Variants in PALLD observed in about 807,000 individuals in gnomAD.
PALLD encodes the protein palladin, cytoskeletal associated protein.
Under a neutral mutation model 123.5 loss-of-function variants are expected in PALLD, and 61 were observed. The ratio of observed to expected loss-of-function variants is 0.49; its 90% CI spans 0.40 to 0.61. The LOEUF (loss-of-function observed/expected upper bound fraction) is 0.61, where lower values mean the gene tolerates loss of function less well. Among genes scored for constraint, PALLD ranks in the 20% least tolerant of loss-of-function variants. The pLI is 0.00. For missense variants in PALLD, 1,273 were observed against 1,377.0 expected (o/e 0.92, Z 1.20); for synonymous variants, 465 against 496.4 (o/e 0.94, Z 0.84).
intron 2 of PALLD, among the ~76,000 whole-genome samples, chr4:168,542,835 G>A (rs947591528): frequency 6.8e-6 from 1 of 147,796 alleles, no homozygotes; most frequent in South Asian, 2.1e-4. Flanking sequence ...CCTTAAAAAG[G>A]TTTGGGCCTA....
rs1202242941 is a variant in PALLD, at chr4:168,924,335, G to A, written c.3139G>A (p.Glu1047Lys). 6.2e-7 allele frequency: 1 copy of A among 1,613,944 alleles called. No homozygotes were observed. The highest frequency in any genetic ancestry group is 8.5e-7 in the Non-Finnish European group (1 of 1,179,882). The change falls in exon 19 of 22, where the codon GAA (glutamate) becomes AAA (lysine). Residue 1047 changes from glutamate (E) to lysine (K), a missense_variant. Around this residue, in one of 2 missense-constraint regions of PALLD, gnomAD observed 329 missense variants for 422.5 expected, o/e 0.78. Coordinates refer to ENST00000505667, the MANE Select transcript of PALLD (RefSeq NM_001166108.2). The stretch of plus-strand genomic sequence containing the variant: ...TGCTGATGGGTACCCAGTGCGGCTG[G>A]AATGTCGTGTATTGGGAGTGCCACC... ...GVADGYPVRL[E>K]CRVLGVPPPQ...
chr4:168,894,326 G>T (rs955223553), intron 11 of PALLD: 3 of 500,380 alleles, frequency 6.0e-6, no homozygotes, highest in Admixed American at 3.3e-5. Context: ...TTTCTTCCTT[G>T]TCGCTTATTG....
intron 1 of PALLD, among the ~76,000 whole-genome samples, chr4:168,508,666 C>A (rs6552862): frequency 6.6e-6 from 1 of 152,036 alleles, no homozygotes; most frequent in Non-Finnish European, 1.5e-5. Context: ...AAATAAATAA[C>A]AAATAAAAAA....
At chr4:168,852,939 A>C (rs896166659) in intron 10 of PALLD, among the ~76,000 whole-genome samples, 2 of 152,176 alleles carry the variant, frequency 1.3e-5, no homozygotes, top group African/African-American at 4.8e-5. Context: ...TCCCTGCCTC[A>C]GTTGTTTTTG....
At chr4:168,710,714 C>T (rs1160102634) in intron 9 of PALLD, among the ~76,000 whole-genome samples, 1 of 152,058 alleles carries the variant, frequency 6.6e-6, no homozygotes, top group Non-Finnish European at 1.5e-5. Context: ...CAAAGAGGAC[C>T]CCAGCGTTTT....
intron 10 of PALLD, among the ~76,000 whole-genome samples, chr4:168,828,054 C>A (rs1356097967): frequency 2.0e-5 from 3 of 152,152 alleles, no homozygotes; most frequent in Non-Finnish European, 4.4e-5. Context: ...ACAACAACAA[C>A]AAACATCAAA....
chr4:168,802,447 C>T (rs1739482884), intron 10 of PALLD, among the ~76,000 whole-genome samples: 1 of 152,160 alleles, frequency 6.6e-6, no homozygotes, highest in Admixed American at 6.5e-5. Context: ...AACTGGAGGT[C>T]ATAATCCTAA....
intron 10 of PALLD, among the ~76,000 whole-genome samples, chr4:168,794,518 A>G (rs892236631): frequency 4.1e-5 from 6 of 148,022 alleles, no homozygotes; most frequent in South Asian, 2.1e-4. Flanking sequence ...ACACACACAC[A>G]CACACACACA....
rs142241643 is a variant in PALLD, at chr4:168,511,835, A to G, written c.331A>G (p.Lys111Glu). 33 of 1,614,128 alleles carry G rather than the reference A, an allele frequency of 2.0e-5. No individual in the cohort carries two copies. In the African/African-American group the frequency reaches 4.3e-4, roughly 21 times the overall value. Residue 111 changes from lysine (K) to glutamate (E), a missense_variant, in exon 2 of 22, where the codon AAG (lysine) becomes GAG (glutamate). Around this residue, in one of 2 missense-constraint regions of PALLD, gnomAD observed 944 missense variants for 954.5 expected, o/e 0.99. Transcript: ENST00000505667. ...PVQPLAEKQT[K>E]SISSPVSKRK... ...CCAGCCTCTGGCAGAGAAACAAACT[A>G]AGAGTATCTCTTCACCTGTTTCAAA...
chr4:168,738,989 A>C (rs1378064259), intron 10 of PALLD, among the ~76,000 whole-genome samples: 1 of 152,112 alleles, frequency 6.6e-6, no homozygotes, highest in Non-Finnish European at 1.5e-5. Context: ...TGGAATCAAC[A>C]TTTTTAGTTC....
chr4:168,499,570 A>G (rs1761177191), intron 1 of PALLD, among the ~76,000 whole-genome samples: 1 of 152,130 alleles, frequency 6.6e-6, no homozygotes, highest in African/African-American at 2.4e-5. Context: ...GCTAAACCTA[A>G]AATTAAAAAT....
intron 10 of PALLD, among the ~76,000 whole-genome samples, chr4:168,826,281 T>C (rs1743407818): frequency 6.6e-6 from 1 of 152,164 alleles, no homozygotes; most frequent in Admixed American, 6.5e-5. Flanking sequence ...CTATGCGCAA[T>C]AAAACTTGGC....
intron 2 of PALLD, among the ~76,000 whole-genome samples, chr4:168,547,815 G>T (rs1766304628): frequency 6.6e-6 from 1 of 151,830 alleles, no homozygotes. Context: ...GCGTGGTGGC[G>T]TGCGCCTGTA....
intron 8 of PALLD, among the ~76,000 whole-genome samples, chr4:168,704,529 G>A (rs914406015): frequency 7.9e-5 from 12 of 151,826 alleles, no homozygotes; most frequent in East Asian, 3.9e-4. Flanking sequence ...AAAATTAGCC[G>A]GGCGGGCGCC....
chr4:168,518,058 T>C (rs556043356), intron 2 of PALLD, among the ~76,000 whole-genome samples: 1 of 152,158 alleles, frequency 6.6e-6, no homozygotes, highest in Non-Finnish European at 1.5e-5. Flanking sequence ...AAAAACCTTC[T>C]CTTTCCAAAT....
chr4:168,877,626 TA>T, intron 10 of PALLD: 1 of 550,464 alleles, frequency 1.8e-6, no homozygotes, highest in Non-Finnish European at 2.4e-6. Context: ...GCAGCTGGCC[TA>T]AGTGCCAAGC....
chr4:168,665,546 C>G (rs148725569), intron 2 of PALLD, among the ~76,000 whole-genome samples: 3,663 of 152,160 alleles, frequency 0.024, 118 homozygotes, highest in African/African-American at 0.077. Context: ...CTGGGCGAGA[C>G]AGCGAGACTC....
chr4:168,878,099 G>T, intron 10 of PALLD: 1 of 1,443,332 alleles, frequency 6.9e-7, no homozygotes, highest in South Asian at 1.4e-5. Flanking sequence ...GCCGCCCTTC[G>T]CGCAGCCCTT....
intron 10 of PALLD, among the ~76,000 whole-genome samples, chr4:168,732,663 A>T (rs1296544506): frequency 6.6e-6 from 1 of 152,324 alleles, no homozygotes; most frequent in East Asian, 1.9e-4. Context: ...CTCAAAGTGA[A>T]TTTCTTTCTT....
Sources: gnomAD v4.1 joint callset for allele counts (sites outside exome capture counted in the v4.1 genomes callset) on GRCh38, gnomAD v4.1.1 for gene constraint, gnomAD v4.1.1 regional missense constraint, MANE v1.5 for transcripts, NCBI Gene and HGNC (gene_info 2026-07-23, HGNC 2026-07-21) for gene names.